THEMIS: variants seen among roughly 807,000 people sequenced by gnomAD.
The protein encoded by THEMIS is protein THEMIS.
In THEMIS, 37 loss-of-function variants were observed where a neutral mutation model predicts 52.6. The observed-to-expected ratio is 0.70, with a 90% CI of 0.54 to 0.93. The LOEUF (loss-of-function observed/expected upper bound fraction) is 0.93, where lower values mean the gene tolerates loss of function less well. Among genes scored for constraint, THEMIS ranks in the 40% least tolerant of loss-of-function variants. THEMIS has a pLI of 0.00. For missense variants in THEMIS, 808 were observed against 763.1 expected (o/e 1.06, Z -0.69); for synonymous variants, 292 against 272.7 (o/e 1.07, Z -0.70).
chr6:127,700,328 T>C, the THEMIS span, among the ~76,000 whole-genome samples: 1 of 151,906 alleles, frequency 6.6e-6, no homozygotes, highest in East Asian at 1.9e-4. Context: ...TTTCCATGAA[T>C]TGGAAATATT....
intron 4 of THEMIS, among the ~76,000 whole-genome samples, chr6:127,803,180 A>G (rs965670966): frequency 3.9e-5 from 6 of 152,148 alleles, no homozygotes; most frequent in Non-Finnish European, 7.4e-5. Context: ...TTGATTATCT[A>G]TGCTATAATT....
intron 2 of THEMIS, among the ~76,000 whole-genome samples, chr6:127,834,146 G>T (rs921428765): frequency 1.3e-5 from 2 of 152,082 alleles, no homozygotes; most frequent in African/African-American, 4.8e-5. Flanking sequence ...ATAAAGAAAT[G>T]ATACACAGTA....
chr6:127,890,428 A>G (rs184149136), intron 1 of THEMIS, among the ~76,000 whole-genome samples: 77 of 152,296 alleles, frequency 5.1e-4, no homozygotes, highest in African/African-American at 1.7e-3. Context: ...ACCAGAGGCT[A>G]GAAAGGGTAG....
At chr6:127,784,961 A>G (rs1475075497) in intron 4 of THEMIS, among the ~76,000 whole-genome samples, 15 of 78,242 alleles carry the variant, frequency 1.9e-4, no homozygotes, top group African/African-American at 5.5e-4. Flanking sequence ...CTATCTATCT[A>G]TCTATCTATC....
At chr6:127,734,880 A>C (rs1774938027) in intron 4 of THEMIS, among the ~76,000 whole-genome samples, 1 of 124,348 alleles carries the variant, frequency 8.0e-6, no homozygotes, top group Admixed American at 8.2e-5. Flanking sequence ...AAAAAAAAAA[A>C]AAAAAAAAAA....
chr6:127,812,625 G>C (rs1265452083), intron 4 of THEMIS, among the ~76,000 whole-genome samples: 2 of 152,148 alleles, frequency 1.3e-5, no homozygotes, highest in Non-Finnish European at 2.9e-5. Context: ...CCACTGAAAA[G>C]GCAATTTGGG....
chr6:127,795,186 A>T (rs1011589350), intron 4 of THEMIS, among the ~76,000 whole-genome samples: 1 of 152,218 alleles, frequency 6.6e-6, no homozygotes, highest in South Asian at 2.1e-4. Flanking sequence ...AAACATACAC[A>T]TGGCTTTCAT....
chr6:127,913,795 A>G (rs1038820740), intron 1 of THEMIS, among the ~76,000 whole-genome samples: 2 of 152,228 alleles, frequency 1.3e-5, no homozygotes, highest in African/African-American at 4.8e-5. Context: ...GAATTCAATC[A>G]CAAGTACTCT....
At chr6:127,868,194 G>A (rs1780043810) in intron 1 of THEMIS, among the ~76,000 whole-genome samples, 2 of 151,940 alleles carry the variant, frequency 1.3e-5, no homozygotes, top group South Asian at 4.1e-4. Flanking sequence ...CCCGCCCCTG[G>A]CATCTATTTA....
At chr6:127,803,398 CT>C (rs11372729) in intron 4 of THEMIS, among the ~76,000 whole-genome samples, 2,676 of 151,938 alleles carry the variant, frequency 0.018, 103 homozygotes, top group African/African-American at 0.061. Context: ...GATCTGCTTT[CT>C]TTTTTTTCTA....
chr6:127,766,008 T>C (rs1776186055), intron 4 of THEMIS, among the ~76,000 whole-genome samples: 1 of 152,164 alleles, frequency 6.6e-6, no homozygotes, highest in Non-Finnish European at 1.5e-5. Flanking sequence ...AGCAATACTT[T>C]ATTGAGTGGC....
At chr6:127,870,567 T>TA (rs1430028079) in intron 1 of THEMIS, among the ~76,000 whole-genome samples, 1 of 152,108 alleles carries the variant, frequency 6.6e-6, no homozygotes, top group African/African-American at 2.4e-5. Context: ...TAGAGTGGAT[T>TA]AAAAAACATA....
Position 127,737,190 on chromosome 6 carries a change from AT to A in THEMIS, c.1759-17368del, listed in dbSNP as rs1775039501. 2.0e-5 allele frequency among the ~76,000 whole-genome samples: 3 copies of A among 152,324 alleles called. No individual in the cohort carries two copies. In the South Asian group the frequency reaches 6.2e-4, roughly 32 times the overall value. ...TACTCCTGGCTGAGGAAGCAGTGTC[AT>A]TATATCTATGCACTTAGTTTGAATA... On this transcript the variant is annotated intron_variant, in intron 4 of 5. Coordinates refer to ENST00000368248, the MANE Select transcript of THEMIS (RefSeq NM_001010923.3).
At chr6:127,779,780 G>A (rs1264950715) in intron 4 of THEMIS, among the ~76,000 whole-genome samples, 1 of 152,120 alleles carries the variant, frequency 6.6e-6, no homozygotes, top group Admixed American at 6.6e-5. Flanking sequence ...TGCTCCACCA[G>A]TAAGAGACAT....
intron 4 of THEMIS, among the ~76,000 whole-genome samples, chr6:127,776,330 A>G (rs1240196921): frequency 6.6e-6 from 1 of 152,256 alleles, no homozygotes; most frequent in African/African-American, 2.4e-5. Context: ...AGAATAAAGC[A>G]GATGTGATGG....
chr6:127,716,344 A>G (rs569210285), intron 5 of THEMIS, among the ~76,000 whole-genome samples: 16 of 152,000 alleles, frequency 1.1e-4, no homozygotes, highest in Middle Eastern at 3.4e-3. Context: ...CCCACATAAT[A>G]ATCAGATCCT....
At chr6:127,770,501 T>C (rs1388844006) in intron 4 of THEMIS, among the ~76,000 whole-genome samples, 1 of 152,212 alleles carries the variant, frequency 6.6e-6, no homozygotes, top group Non-Finnish European at 1.5e-5. Context: ...TTTGTTTAAG[T>C]TCTTTGTAGA....
chr6:127,777,310 A>G (rs888471233), intron 4 of THEMIS, among the ~76,000 whole-genome samples: 13 of 151,034 alleles, frequency 8.6e-5, no homozygotes, highest in African/African-American at 1.5e-4. Context: ...TACCTCATTT[A>G]TCTACTTTTA....
chr6:127,784,950 ACTATCTATCTATCTATCTATCTATCTAT>A lies in THEMIS; in HGVS notation c.1758+27905_1758+27932del, dbSNP rs59805084. On this transcript the variant is annotated intron_variant, in intron 4 of 5. Transcript: ENST00000368248. ...ATCTTCAGATAGCAAAGGCAGTCAC[ACTATCTATCTATCTATCTATCTATCTAT>A]CTATCTATCTATCTATCTATCTATC... 8.9e-5 allele frequency among the ~76,000 whole-genome samples: 13 copies of A among 145,508 alleles called. No individual in the cohort carries two copies. The South Asian group carries it at 9.1e-4, about 10-fold the overall frequency.
Sources: gnomAD v4.1 joint callset for allele counts (sites outside exome capture counted in the v4.1 genomes callset) on GRCh38, gnomAD v4.1.1 for gene constraint, MANE v1.5 for transcripts, NCBI Gene and HGNC (gene_info 2026-07-23, HGNC 2026-07-21) for gene names.